ARHGAP24: variants seen among roughly 807,000 people sequenced by gnomAD.
ARHGAP24 encodes Rho GTPase activating protein 24, also known as rho GTPase-activating protein 24.
ARHGAP24 carries 50 observed loss-of-function variants against 76.4 expected under a neutral mutation model. That is an observed-to-expected ratio of 0.65 (90% confidence interval 0.52 to 0.83). The LOEUF is 0.83. Among genes scored for constraint, ARHGAP24 ranks in the 40% least tolerant of loss-of-function variants. The pLI is 0.00. For missense variants in ARHGAP24, 930 were observed against 914.2 expected (o/e 1.02, Z -0.22); for synonymous variants, 345 against 323.3 (o/e 1.07, Z -0.72).
intron 2 of ARHGAP24, among the ~76,000 whole-genome samples, chr4:85,632,811 A>G (rs557368491): frequency 4.0e-4 from 61 of 152,156 alleles, no homozygotes; most frequent in Admixed American, 2.6e-3. Context: ...AGGTTTATAT[A>G]TAAATGTTTT....
chr4:85,770,198 G>A (rs1727082766), intron 3 of ARHGAP24, among the ~76,000 whole-genome samples: 2 of 152,210 alleles, frequency 1.3e-5, no homozygotes, highest in East Asian at 3.9e-4. Context: ...CCTTGTAAAT[G>A]TGGATTCACT....
chr4:85,824,055 A>G (rs1729598386), intron 3 of ARHGAP24, among the ~76,000 whole-genome samples: 1 of 152,202 alleles, frequency 6.6e-6, no homozygotes, highest in African/African-American at 2.4e-5. Context: ...ATTTAGAAAT[A>G]CAGTAAATTA....
chr4:85,960,437 T>C (rs577445417), intron 5 of ARHGAP24, among the ~76,000 whole-genome samples: 39 of 152,264 alleles, frequency 2.6e-4, no homozygotes, highest in African/African-American at 9.4e-4. Context: ...TGGATATTCA[T>C]TGAAAACTCT....
At chr4:85,555,306 T>A (rs554339038) in intron 1 of ARHGAP24, among the ~76,000 whole-genome samples, 1 of 152,302 alleles carries the variant, frequency 6.6e-6, no homozygotes, top group East Asian at 1.9e-4. Context: ...GTACAGTCAG[T>A]TGACTTCTTT....
rs1185901754 is a variant in ARHGAP24 at position 85,816,726 on chromosome 4, A to C, written c.268+94754A>C. ...TATTGTAAATAATGCTGCAATAAAC[A>C]TGGGAGTGCACATATCCATTCTAGA... On this transcript the variant is annotated intron_variant, in intron 3 of 9. Coordinates refer to ENST00000395184, the MANE Select transcript of ARHGAP24 (RefSeq NM_001025616.3). Among the ~76,000 whole-genome samples, 4 of 152,184 alleles carry C rather than the reference A, an allele frequency of 2.6e-5. No homozygotes were observed. In the East Asian group the frequency reaches 7.7e-4, roughly 29 times the overall value.
chr4:85,882,063 A>G (rs1352056619), intron 3 of ARHGAP24, among the ~76,000 whole-genome samples: 1 of 152,334 alleles, frequency 6.6e-6, no homozygotes, highest in East Asian at 1.9e-4. Flanking sequence ...AATAAAAATC[A>G]GAAGATCCAA....
chr4:85,529,952 T>C lies in ARHGAP24; in HGVS notation c.-20-40570T>C, dbSNP rs747188144. 2.2e-3 allele frequency among the ~76,000 whole-genome samples: 329 copies of C among 152,082 alleles called. 3 individuals are homozygous for C. The highest frequency in any genetic ancestry group is 1.5e-3 in the Non-Finnish European group (101 of 67,870). On this transcript the variant is annotated intron_variant, in intron 1 of 9. Transcript: ENST00000395184. ...TTCTTTTGAGAGTTGGTTAAGTCCATTCCTTTTATATTCATAATGTCAGAT... is the reference window on the plus strand; with the variant it reads ...TTCTTTTGAGAGTTGGTTAAGTCCACTCCTTTTATATTCATAATGTCAGAT...
chr4:85,551,827 A>G (rs1192975087), intron 1 of ARHGAP24, among the ~76,000 whole-genome samples: 1 of 58,808 alleles, frequency 1.7e-5, no homozygotes, highest in Non-Finnish European at 4.3e-5. Context: ...TTTGTATAGT[A>G]GTCTCTGAGG....
At chr4:85,952,533 G>A (rs2148833635) in intron 5 of ARHGAP24, among the ~76,000 whole-genome samples, 1 of 152,328 alleles carries the variant, frequency 6.6e-6, no homozygotes, top group East Asian at 1.9e-4. Flanking sequence ...AAAAGGTGGT[G>A]TGAGAAAAAA....
At chr4:85,849,183 C>G (rs1731072482) in intron 3 of ARHGAP24, among the ~76,000 whole-genome samples, 1 of 146,384 alleles carries the variant, frequency 6.8e-6, no homozygotes, top group African/African-American at 2.5e-5. Context: ...AGTTGGATTC[C>G]TAGGTCTTTT....
At position 85,815,800 on chromosome 4, in the gene ARHGAP24, T is replaced by C. The variant is rs11931204; in HGVS notation, c.268+93828T>C. 9.8e-3 allele frequency among the ~76,000 whole-genome samples: 1,497 copies of C among 152,344 alleles called. 28 individuals carry two copies. Among genetic ancestry groups the C allele is most frequent in the African/African-American group, 0.034 (1,404 of 41,576 alleles). On this transcript the variant is annotated intron_variant, in intron 3 of 9. Coordinates refer to ENST00000395184, the MANE Select transcript of ARHGAP24 (RefSeq NM_001025616.3). The stretch of plus-strand genomic sequence containing the variant: ...ACACCCCACTCTACTGTTACCAGTT[T>C]ACTGTATTAGTCCATTTTCCCGCTG...
intron 8 of ARHGAP24, among the ~76,000 whole-genome samples, chr4:85,992,354 G>A (rs886201872): frequency 1.3e-5 from 2 of 151,826 alleles, no homozygotes; most frequent in African/African-American, 4.8e-5. Context: ...AGATACAAGA[G>A]AGTTTAAATC....
intron 2 of ARHGAP24, among the ~76,000 whole-genome samples, chr4:85,662,692 G>C (rs989517282): frequency 1.3e-5 from 2 of 152,038 alleles, no homozygotes; most frequent in Admixed American, 6.5e-5. Flanking sequence ...ATTAATTTTT[G>C]TATAAGGTGT....
intron 3 of ARHGAP24, among the ~76,000 whole-genome samples, chr4:85,890,474 G>A (rs1307888902): frequency 6.6e-6 from 1 of 152,180 alleles, no homozygotes; most frequent in Non-Finnish European, 1.5e-5. Flanking sequence ...GGTGGTGATG[G>A]AAGCGTGAAC....
At chr4:85,895,652 A>T (rs1013088619) in intron 3 of ARHGAP24, among the ~76,000 whole-genome samples, 2 of 152,182 alleles carry the variant, frequency 1.3e-5, no homozygotes, top group East Asian at 3.8e-4. Flanking sequence ...CTTGACAAAA[A>T]TTCAGTCTGA....
At chr4:85,609,766 A>G (rs1720319122) in intron 2 of ARHGAP24, among the ~76,000 whole-genome samples, 1 of 152,246 alleles carries the variant, frequency 6.6e-6, no homozygotes. Context: ...TATACATTGT[A>G]TAATGATTAA....
At chr4:85,992,288 A>C in intron 8 of ARHGAP24, 2 of 392,154 alleles carry the variant, frequency 5.1e-6, no homozygotes, top group Non-Finnish European at 9.0e-6. Flanking sequence ...AAGTCTCTTT[A>C]CAAGGGGCTA....
chr4:85,542,807 G>C (rs1220093875), intron 1 of ARHGAP24, among the ~76,000 whole-genome samples: 2 of 152,132 alleles, frequency 1.3e-5, no homozygotes, highest in African/African-American at 4.8e-5. Flanking sequence ...AAACTGCTTG[G>C]CTTGAATTCT....
intron 2 of ARHGAP24, among the ~76,000 whole-genome samples, chr4:85,593,950 C>T (rs965351924): frequency 2.0e-5 from 3 of 151,922 alleles, no homozygotes; most frequent in African/African-American, 7.3e-5. Context: ...TTTTGTGATT[C>T]TGTATAAATT....
Sources: gnomAD v4.1 joint callset for allele counts (sites outside exome capture counted in the v4.1 genomes callset) on GRCh38, gnomAD v4.1.1 for gene constraint, MANE v1.5 for transcripts, NCBI Gene and HGNC (gene_info 2026-07-23, HGNC 2026-07-21) for gene names.